Variants in TEX15 observed in about 807,000 individuals in gnomAD.
TEX15 encodes testis expressed 15, meiosis and synapsis associated.
TEX15 carries 171 observed loss-of-function variants against 237.3 expected under a neutral mutation model. The observed-to-expected ratio is 0.72, with a 90% CI of 0.64 to 0.82. The LOEUF is 0.82. Ranked by LOEUF, TEX15 falls within the 40% of genes least tolerant of loss-of-function variation. TEX15 has a pLI of 0.00. For missense variants in TEX15, 3,750 were observed against 3,646.5 expected (o/e 1.03, Z -0.73); for synonymous variants, 1,338 against 1,269.8 (o/e 1.05, Z -1.14).
intron 3 of TEX15, among the ~76,000 whole-genome samples, chr8:30,881,278 A>G (rs932471336): frequency 3.3e-4 from 50 of 151,784 alleles, no homozygotes; most frequent in Non-Finnish European, 1.2e-4. Flanking sequence ...CTCAATTTCT[A>G]TTTTCTGGAA....
chr8:30,868,587 T>C (rs1049738964), intron 4 of TEX15, among the ~76,000 whole-genome samples: 1 of 152,020 alleles, frequency 6.6e-6, no homozygotes, highest in African/African-American at 2.4e-5. Flanking sequence ...TCATTAACAG[T>C]AGGCAGGACC....
Position 30,858,813 on chromosome 8 carries a change from G to A in TEX15, c.705C>T (p.Tyr235=). 6.5e-7 allele frequency: 1 copy of A among 1,533,238 alleles called. No homozygotes were observed. The highest frequency in any genetic ancestry group is 1.2e-5 in the South Asian group (1 of 83,484). 95.0% of individuals were successfully genotyped at this position (1,533,238 alleles called of 1,614,324 possible). The change falls in exon 7 of 11, where the codon TAC becomes TAT. Residue 235 remains tyrosine (Y), a synonymous_variant. Coordinates refer to ENST00000643185, the MANE Select transcript of TEX15 (RefSeq NM_001350162.2). ...TATCTACAGGCTTTGAAAGGACACTGTATTCATAGAAGTACACCTGAAAGA... is the reference window on the plus strand; with the variant it reads ...TATCTACAGGCTTTGAAAGGACACTATATTCATAGAAGTACACCTGAAAGA... ...AYSSAVYFYE[Y]SVLSKPVDKP...
Position 30,858,728 on chromosome 8 carries a change from C to T in TEX15, c.790G>A (p.Asp264Asn). Residue 264 changes from aspartate (D) to asparagine (N), a missense_variant, in exon 7 of 11, where the codon GAT (aspartate) becomes AAT (asparagine). Physicochemically the swap from Asp to Asn is conservative, Grantham distance 23. Coordinates refer to ENST00000643185, the MANE Select transcript of TEX15 (RefSeq NM_001350162.2). ...AAAGATGTCATAAGGCGTCCATTAT[C>T]TACTTTTGAACCAAGAAATTTTACT... ...VTVKFLGSKV[D>N]NGRLMTSLRF... is the part of the protein sequence containing the mutation. 1 of 1,535,860 alleles carries T rather than the reference C, an allele frequency of 6.5e-7. No individual in the cohort carries two copies. Among genetic ancestry groups the T allele is most frequent in the South Asian group, 1.2e-5 (1 of 84,028 alleles).
chr8:30,896,333 C>A (rs1808905640), intron 2 of TEX15, among the ~76,000 whole-genome samples: 2 of 152,110 alleles, frequency 1.3e-5, no homozygotes, highest in Non-Finnish European at 2.9e-5. Context: ...AGGACGTAGG[C>A]CATTTTTCAT....
At chr8:30,900,115 G>T (rs1808979915) in intron 1 of TEX15, among the ~76,000 whole-genome samples, 1 of 152,062 alleles carries the variant, frequency 6.6e-6, no homozygotes, top group Non-Finnish European at 1.5e-5. Context: ...ACTGTAGATT[G>T]GTCTTTGAAA....
chr8:30,894,716 G>A (rs1427640172), intron 2 of TEX15, among the ~76,000 whole-genome samples: 1 of 152,058 alleles, frequency 6.6e-6, no homozygotes, highest in South Asian at 2.1e-4. Flanking sequence ...ACTGCAAATG[G>A]GTCAAAGATT....
chr8:30,836,504 G>A (rs955011749), intron 10 of TEX15, among the ~76,000 whole-genome samples: 4 of 151,982 alleles, frequency 2.6e-5, no homozygotes, highest in African/African-American at 9.7e-5. Flanking sequence ...GAGCCACTGC[G>A]CCCAGCCCCA....
intron 10 of TEX15, among the ~76,000 whole-genome samples, chr8:30,833,638 T>C (rs1424413246): frequency 6.6e-6 from 1 of 152,206 alleles, no homozygotes; most frequent in African/African-American, 2.4e-5. Flanking sequence ...TTTTCTGGTG[T>C]TGAATACAAG....
intron 9 of TEX15, 78 bp downstream of exon 9, chr8:30,839,824 ATAAT>A: frequency 1.2e-6 from 1 of 823,816 alleles, no homozygotes; most frequent in South Asian, 2.0e-5. Context: ...CATTATATAA[ATAAT>A]TGTGTTATTC....
Position 30,848,663 on chromosome 8 carries a change from A to C in TEX15, c.1504T>G (p.Ser502Ala). Residue 502 changes from serine to alanine, a missense_variant, in exon 8 of 11, where the codon TCT becomes GCT. By Grantham distance (99) the Ser-to-Ala change is moderately conservative (BLOSUM62 1). Coordinates refer to ENST00000643185, the MANE Select transcript of TEX15 (RefSeq NM_001350162.2). ...GCCCAAGATTGTGAATCATTAACAGAAGTTTTAAAGCAAGGGGTATCCAAA... is the reference window on the plus strand; with the variant it reads ...GCCCAAGATTGTGAATCATTAACAGCAGTTTTAAAGCAAGGGGTATCCAAA... ...NGLDTPCFKT[S>A]VNDSQSWAHN... 6.2e-7 allele frequency: 1 copy of C among 1,614,198 alleles called. No individual in the cohort carries two copies. The highest frequency in any genetic ancestry group is 1.3e-5 in the African/African-American group (1 of 75,046).
chr8:30,837,908 T>G lies in TEX15; in HGVS notation c.8376A>C (p.Ala2792=), dbSNP rs762967747. The change falls in exon 10 of 11, where the codon GCA becomes GCC. Residue 2792 remains alanine (A), a synonymous_variant. Transcript: ENST00000643185. ...AGTCTATTTTGCTTTCCGACTTTGA[T>G]GCGCAAGTGTCTTTTGGGTTCTCTA... The part of the protein sequence containing the change: ...LPLENPKDTC[A]SKSESKIDLT... 6.2e-7 allele frequency: 1 copy of G among 1,614,220 alleles called. No homozygotes were observed. Among genetic ancestry groups the G allele is most frequent in the Non-Finnish European group, 8.5e-7 (1 of 1,180,034 alleles).
chr8:30,855,418 G>A (rs1335744933), intron 7 of TEX15, among the ~76,000 whole-genome samples: 1 of 152,078 alleles, frequency 6.6e-6, no homozygotes, highest in Non-Finnish European at 1.5e-5. Flanking sequence ...ACACCCACTA[G>A]GATGGCTATA....
chr8:30,878,690 G>A (rs906270607), intron 3 of TEX15, among the ~76,000 whole-genome samples: 9 of 151,996 alleles, frequency 5.9e-5, no homozygotes, highest in African/African-American at 1.5e-4. Flanking sequence ...CCTGGCCTGC[G>A]TGCTTACTTA....
chr8:30,841,379 C>T (rs555118360), intron 8 of TEX15, among the ~76,000 whole-genome samples: 1 of 152,114 alleles, frequency 6.6e-6, no homozygotes, highest in Non-Finnish European at 1.5e-5. Context: ...TCTGTGACCC[C>T]AGGATAGTCA....
At chr8:30,876,774 G>T (rs1808406961) in intron 3 of TEX15, among the ~76,000 whole-genome samples, 1 of 152,126 alleles carries the variant, frequency 6.6e-6, no homozygotes, top group Non-Finnish European at 1.5e-5. Context: ...GTTAACAATT[G>T]ATATGGTTTG....
Position 30,895,676 on chromosome 8 carries a change from C to CTTTTTTTTTTTTTTTTTTTTT in TEX15, c.-10+3045_-10+3065dup, listed in dbSNP as rs34002027. Among the ~76,000 whole-genome samples, 10 of 60,060 alleles carry CTTTTTTTTTTTTTTTTTTTTT rather than the reference C, an allele frequency of 1.7e-4. 2 individuals carry two copies. The highest frequency in any genetic ancestry group is 6.5e-4 in the African/African-American group (8 of 12,336). The allele number at this position is 60,060 out of a possible 152,430, so 39.4% of individuals were successfully genotyped here. ...CATGTCAACACCTTTTAAACACATG[C>CTTTTTTTTTTTTTTTTTTTTT]TTTTTTTTTTTTTTTTTTTTTTTTG... On this transcript the variant is annotated intron_variant, in intron 2 of 10. Coordinates refer to ENST00000643185, the MANE Select transcript of TEX15 (RefSeq NM_001350162.2).
chr8:30,842,398 T>G lies in TEX15; in HGVS notation c.7769A>C (p.Gln2590Pro). The change falls in exon 8 of 11, where the codon CAA becomes CCA. Residue 2590 changes from glutamine (Q) to proline (P), a missense_variant. Physicochemically the swap from Gln to Pro is moderately conservative, Grantham distance 76. Coordinates refer to ENST00000643185, the MANE Select transcript of TEX15 (RefSeq NM_001350162.2). ...TVTELEYNYN[Q>P]FSTLLKNVMS... ...TACATTCTTCAGCAGTGTAGAAAATTGATTGTAGTTGTATTCTAACTCTGT... is the reference window on the plus strand; with the variant it reads ...TACATTCTTCAGCAGTGTAGAAAATGGATTGTAGTTGTATTCTAACTCTGT... The G allele has an allele frequency of 3.1e-6, 5 of 1,613,726 alleles. No individual in the cohort carries two copies. The highest frequency in any genetic ancestry group is 4.2e-6 in the Non-Finnish European group (5 of 1,179,820).
rs1364983252 is a variant in TEX15, at chr8:30,843,906, T to A, written c.6261A>T (p.Glu2087Asp). 8.1e-6 allele frequency: 13 copies of A among 1,612,880 alleles called. No homozygotes were observed. The highest frequency in any genetic ancestry group is 9.3e-6 in the Non-Finnish European group (11 of 1,179,640). ...CACCTTCTAAGTGCCTTTTTTTGTT[T>A]TCAATGAATTGAATTGTTTCCATCA... ...QMMMETIQFIENKKRHLEGEP... is the reference protein window; with the variant it reads ...QMMMETIQFIDNKKRHLEGEP... Residue 2087 changes from glutamate to aspartate, a missense_variant, in exon 8 of 11, where the codon GAA becomes GAT. Coordinates refer to ENST00000643185, the MANE Select transcript of TEX15 (RefSeq NM_001350162.2).
At chr8:30,855,197 C>G (rs1807883789) in intron 7 of TEX15, among the ~76,000 whole-genome samples, 3 of 151,942 alleles carry the variant, frequency 2.0e-5, no homozygotes, top group Non-Finnish European at 2.9e-5. Flanking sequence ...TAGAAAATCC[C>G]AAAGACCACT....
Sources: gnomAD v4.1 joint callset for allele counts (sites outside exome capture counted in the v4.1 genomes callset) on GRCh38, gnomAD v4.1.1 for gene constraint, MANE v1.5 for transcripts, NCBI Gene and HGNC (gene_info 2026-07-23, HGNC 2026-07-21) for gene names.